ARHGAP6: variants seen among roughly 807,000 people sequenced by gnomAD.
ARHGAP6 encodes the protein rho GTPase-activating protein 6.
In ARHGAP6, 16 loss-of-function variants were observed where a neutral mutation model predicts 55.7. The observed-to-expected ratio is 0.29, with a 90% CI of 0.19 to 0.44. The LOEUF (loss-of-function observed/expected upper bound fraction) is 0.44. Ranked by LOEUF, ARHGAP6 falls within the 20% of genes least tolerant of loss-of-function variation. The pLI is 1.00. For missense variants in ARHGAP6, 698 were observed against 808.9 expected (o/e 0.86, Z 1.66); for synonymous variants, 382 against 360.9 (o/e 1.06, Z -0.66).
In ARHGAP6 at chrX:11,179,291, G is replaced by C; in HGVS notation, c.1480+11C>G. 4.2e-6 allele frequency: 5 copies of C among 1,188,414 alleles called. No homozygotes were observed. The highest frequency in any genetic ancestry group is 5.7e-6 in the Non-Finnish European group (5 of 882,357). ...CAGGGCCACTTTCCCACATATGGCT[G>C]TATTACGCACAGAGAGTGTTGATGA... On this transcript the variant is annotated intron_variant, in intron 7 of 12. Coordinates refer to ENST00000337414, the MANE Select transcript of ARHGAP6 (RefSeq NM_013427.3).
chrX:11,615,299 A>G (rs1234544124), intron 1 of ARHGAP6, among the ~76,000 whole-genome samples: 2 of 111,497 alleles, frequency 1.8e-5, no homozygotes, highest in African/African-American at 6.5e-5. Context: ...CCATCCAAAT[A>G]CTTTCCATTA....
chrX:11,574,146 A>T (rs2051566996), intron 1 of ARHGAP6, among the ~76,000 whole-genome samples: 1 of 111,140 alleles, frequency 9.0e-6, no homozygotes, highest in Admixed American at 9.6e-5. Flanking sequence ...TACCAGAGGT[A>T]CAAGGAGGAA....
chrX:11,162,906 C>G (rs1280440375), intron 9 of ARHGAP6, among the ~76,000 whole-genome samples: 1 of 112,215 alleles, frequency 8.9e-6, no homozygotes, highest in Non-Finnish European at 1.9e-5. Flanking sequence ...TTTTCTGCTT[C>G]TGGGATTTTT....
chrX:11,294,910 T>C, intron 1 of ARHGAP6: 1 of 1,115,339 alleles, frequency 9.0e-7, no homozygotes, highest in Non-Finnish European at 1.2e-6. Flanking sequence ...AATCTGCTCA[T>C]AGTTGGTGAA....
intron 1 of ARHGAP6, among the ~76,000 whole-genome samples, chrX:11,496,031 C>G (rs977407928): frequency 3.6e-5 from 4 of 112,138 alleles, no homozygotes; most frequent in African/African-American, 1.3e-4. Flanking sequence ...TAAATAGGGC[C>G]TTCCTTCACC....
chrX:11,613,177 A>T (rs2052122893), intron 1 of ARHGAP6, among the ~76,000 whole-genome samples: 1 of 112,161 alleles, frequency 8.9e-6, no homozygotes, highest in African/African-American at 3.2e-5. Context: ...ACCAAACTTA[A>T]GCGTTAACCT....
chrX:11,187,637 T>C (rs1257110033), intron 4 of ARHGAP6, among the ~76,000 whole-genome samples: 2 of 111,670 alleles, frequency 1.8e-5, no homozygotes, highest in East Asian at 2.8e-4. Context: ...GCCCTAAATG[T>C]TAGGGGCTGA....
intron 2 of ARHGAP6, among the ~76,000 whole-genome samples, chrX:11,240,152 G>A (rs1273289310): frequency 2.7e-5 from 3 of 112,115 alleles, no homozygotes; most frequent in Non-Finnish European, 5.6e-5. Flanking sequence ...AAGTTAAATT[G>A]GCCCAGTAAG....
At chrX:11,549,658 G>A (rs2051246326) in intron 1 of ARHGAP6, among the ~76,000 whole-genome samples, 1 of 112,017 alleles carries the variant, frequency 8.9e-6, no homozygotes, top group Non-Finnish European at 1.9e-5. Flanking sequence ...AGCTTTCAAG[G>A]ATGCTGATGC....
At chrX:11,325,121 G>C (rs1470268077) in intron 1 of ARHGAP6, among the ~76,000 whole-genome samples, 1 of 112,412 alleles carries the variant, frequency 8.9e-6, no homozygotes, top group Non-Finnish European at 1.9e-5. Context: ...GCCTCCCAAA[G>C]TGCTGGGATT....
At chrX:11,571,825 C>G (rs903046782) in intron 1 of ARHGAP6, among the ~76,000 whole-genome samples, 2 of 109,714 alleles carry the variant, frequency 1.8e-5, no homozygotes, top group African/African-American at 6.6e-5. Flanking sequence ...GAGGTTGAGG[C>G]TGCAGTGAGC....
intron 1 of ARHGAP6, among the ~76,000 whole-genome samples, chrX:11,660,545 A>C (rs1462991370): frequency 1.9e-5 from 1 of 51,709 alleles, no homozygotes; most frequent in African/African-American, 5.7e-5. Context: ...AAAAAAAAAA[A>C]AAAAAAAAAA....
intron 1 of ARHGAP6, among the ~76,000 whole-genome samples, chrX:11,540,724 G>A (rs1306736266): frequency 8.9e-6 from 1 of 112,466 alleles, no homozygotes; most frequent in Non-Finnish European, 1.9e-5. Context: ...GTGTACTTCT[G>A]TAAAGAAGAA....
chrX:11,553,451 C>T (rs2070240659), intron 1 of ARHGAP6, among the ~76,000 whole-genome samples: 1 of 111,039 alleles, frequency 9.0e-6, no homozygotes. Flanking sequence ...CCATGTTGCC[C>T]AGGCTTTTCT....
At chrX:11,174,247 G>A (rs967444430) in intron 8 of ARHGAP6, among the ~76,000 whole-genome samples, 2 of 111,840 alleles carry the variant, frequency 1.8e-5, no homozygotes, top group African/African-American at 3.3e-5. Flanking sequence ...CACACCCTTT[G>A]ATGTGCATCT....
At chrX:11,487,136 G>C (rs891241954) in intron 1 of ARHGAP6, among the ~76,000 whole-genome samples, 1 of 112,330 alleles carries the variant, frequency 8.9e-6, no homozygotes, top group South Asian at 3.7e-4. Context: ...TCAATACATA[G>C]AGATAGATAC....
chrX:11,478,757 T>G (rs767591240), intron 1 of ARHGAP6, among the ~76,000 whole-genome samples: 3 of 111,936 alleles, frequency 2.7e-5, no homozygotes, highest in Admixed American at 9.5e-5. Flanking sequence ...TTGTGTTCAT[T>G]TGTGCTTAAT....
At position 11,395,581 on chromosome X, in the gene ARHGAP6, A is replaced by G. The variant is rs188885282; in HGVS notation, c.589-140874T>C. 2.7e-3 allele frequency among the ~76,000 whole-genome samples: 301 copies of G among 112,357 alleles called. 1 individual carries two copies. Among genetic ancestry groups the G allele is most frequent in the Non-Finnish European group, 4.4e-3 (235 of 53,258 alleles). On this transcript the variant is annotated intron_variant, in intron 1 of 12. Transcript: ENST00000337414. ...ATGCACACAACTGGTTCTCCAGCCA[A>G]CGCAAGCTGGCTCCAGCATACTGCT...
At chrX:11,156,163 C>T (rs768646426) in intron 10 of ARHGAP6, among the ~76,000 whole-genome samples, 3 of 112,304 alleles carry the variant, frequency 2.7e-5, no homozygotes, top group South Asian at 3.7e-4. Context: ...TGCATCCAGG[C>T]GCAGCCTTAA....
Sources: allele counts gnomAD v4.1 joint callset (sites outside exome capture counted in the v4.1 genomes callset), GRCh38; gene constraint gnomAD v4.1.1; transcripts MANE v1.5; gene names NCBI Gene and HGNC (gene_info 2026-07-23, HGNC 2026-07-21).